Variants in TMEM132C observed in about 807,000 individuals in gnomAD.
TMEM132C encodes transmembrane protein 132C, also known as protein phosphatase 1, regulatory subunit 152.
TMEM132C carries 29 observed loss-of-function variants against 61.4 expected under a neutral mutation model. The ratio of observed to expected loss-of-function variants is 0.47; its 90% CI spans 0.35 to 0.64. The LOEUF is 0.64. TMEM132C is among the 30% of genes least tolerant of loss of function. The pLI, the probability that TMEM132C is intolerant of heterozygous loss-of-function variation, is 0.00. For missense variants in TMEM132C, 1,408 were observed against 1,476.9 expected, an observed-to-expected ratio of 0.95 and a Z score of 0.76; for synonymous variants, 656 against 633.1, an observed-to-expected ratio of 1.04 and a Z score of -0.54.
intron 4 of TMEM132C, among the ~76,000 whole-genome samples, chr12:128,636,721 C>G (rs1299135294): frequency 6.6e-6 from 1 of 152,096 alleles, no homozygotes. Flanking sequence ...TACGTATTCA[C>G]CTGGCATGAC....
At chr12:128,346,027 A>T (rs573167798) in intron 1 of TMEM132C, among the ~76,000 whole-genome samples, 6 of 152,128 alleles carry the variant, frequency 3.9e-5, no homozygotes, top group African/African-American at 1.4e-4. Flanking sequence ...TGGGTTTTAC[A>T]TTTAAGTCTT....
intron 3 of TMEM132C, among the ~76,000 whole-genome samples, chr12:128,586,479 G>T (rs1013931218): frequency 6.6e-6 from 1 of 151,946 alleles, no homozygotes; most frequent in African/African-American, 2.4e-5. Context: ...CCTCTGTTAT[G>T]GTTAGAAGGA....
At chr12:128,538,986 C>A (rs191092077) in intron 2 of TMEM132C, among the ~76,000 whole-genome samples, 92 of 152,176 alleles carry the variant, frequency 6.0e-4, no homozygotes, top group Non-Finnish European at 1.1e-3. Flanking sequence ...GGGTTTTATT[C>A]TTTTTCTTGA....
Position 128,695,931 on chromosome 12 carries a change from T to C in TMEM132C, c.1757T>C (p.Val586Ala). The change falls in exon 7 of 9, where the codon GTG becomes GCG. Residue 586 changes from valine (V) to alanine (A), a missense_variant. Val to Ala is a moderately conservative substitution (Grantham distance 64). Coordinates refer to ENST00000435159, the MANE Select transcript of TMEM132C (RefSeq NM_001136103.3). The stretch of plus-strand genomic sequence containing the variant: ...ACCGTGCGGGTCCTCACCCAGTTTG[T>C]GTCTGAGGGCGCCGGTCCATGGGGC... ...HATVRVLTQF[V>A]SEGAGPWGQP... 4 of 1,551,754 alleles carry C rather than the reference T, an allele frequency of 2.6e-6. No homozygotes were observed. Among genetic ancestry groups the C allele is most frequent in the Non-Finnish European group, 3.5e-6 (4 of 1,147,004 alleles).
intron 2 of TMEM132C, among the ~76,000 whole-genome samples, chr12:128,460,295 C>T (rs1456119432): frequency 1.3e-5 from 2 of 152,118 alleles, no homozygotes; most frequent in Non-Finnish European, 2.9e-5. Context: ...GCCTTTAGAC[C>T]CATCTCTCAC....
intron 2 of TMEM132C, among the ~76,000 whole-genome samples, chr12:128,504,861 G>T (rs569209504): frequency 6.7e-6 from 1 of 149,244 alleles, no homozygotes; most frequent in Non-Finnish European, 1.5e-5. Context: ...AATTCAGTCC[G>T]TAATAATTTT....
intron 1 of TMEM132C, among the ~76,000 whole-genome samples, chr12:128,396,692 TAAG>T (rs201880850): frequency 0.018 from 2,689 of 152,208 alleles, 75 homozygotes; most frequent in African/African-American, 0.06. Context: ...AGTGTGCTAT[TAAG>T]AAGCTCCTAT....
chr12:128,376,756 G>A (rs1270035145), intron 1 of TMEM132C, among the ~76,000 whole-genome samples: 1 of 152,236 alleles, frequency 6.6e-6, no homozygotes, highest in Admixed American at 6.5e-5. Context: ...CTTAAAAGAA[G>A]AAGCAGTCTC....
intron 1 of TMEM132C, among the ~76,000 whole-genome samples, chr12:128,362,159 G>A (rs1006406553): frequency 6.6e-6 from 1 of 152,058 alleles, no homozygotes; most frequent in Non-Finnish European, 1.5e-5. Context: ...ATCAGTTGTG[G>A]CCTCAGCTCA....
At chr12:128,301,404 G>T (rs1871591499) in intron 1 of TMEM132C, among the ~76,000 whole-genome samples, 2 of 152,094 alleles carry the variant, frequency 1.3e-5, no homozygotes, top group Non-Finnish European at 2.9e-5. Flanking sequence ...TCTTTTACTT[G>T]TATCTCAAAG....
intron 5 of TMEM132C, among the ~76,000 whole-genome samples, chr12:128,682,559 C>T (rs1050217006): frequency 6.6e-6 from 1 of 152,332 alleles, no homozygotes; most frequent in East Asian, 1.9e-4. Context: ...GAGGCCTCAG[C>T]ACTGCTGGCG....
intron 3 of TMEM132C, among the ~76,000 whole-genome samples, chr12:128,574,416 G>C (rs1053155949): frequency 1.3e-5 from 2 of 152,164 alleles, no homozygotes; most frequent in Admixed American, 1.3e-4. Flanking sequence ...TAGAGAAACC[G>C]TTATTATCTC....
chr12:128,629,695 C>T (rs986065107), intron 4 of TMEM132C, among the ~76,000 whole-genome samples: 67 of 152,074 alleles, frequency 4.4e-4, no homozygotes, highest in African/African-American at 1.5e-3. Flanking sequence ...TGTCCAGGCA[C>T]GGTGGCTCAC....
intron 2 of TMEM132C, among the ~76,000 whole-genome samples, chr12:128,466,247 G>A (rs1260375438): frequency 1.3e-5 from 2 of 152,140 alleles, no homozygotes; most frequent in African/African-American, 4.8e-5. Flanking sequence ...CAGACCCAGG[G>A]ATCCAAGTTG....
chr12:128,508,148 C>T (rs1872441144), intron 2 of TMEM132C, among the ~76,000 whole-genome samples: 2 of 152,102 alleles, frequency 1.3e-5, no homozygotes, highest in South Asian at 4.1e-4. Context: ...TTCCACATGG[C>T]TGGGGAGGCC....
At chr12:128,699,048 T>C (rs991121689) in intron 8 of TMEM132C, among the ~76,000 whole-genome samples, 3 of 152,148 alleles carry the variant, frequency 2.0e-5, no homozygotes, top group African/African-American at 7.2e-5. Context: ...CCAGCCATAG[T>C]GCAGGATTTC....
chr12:128,325,634 A>G (rs2135939549), intron 1 of TMEM132C, among the ~76,000 whole-genome samples: 1 of 152,214 alleles, frequency 6.6e-6, no homozygotes, highest in South Asian at 2.1e-4. Flanking sequence ...AGTGTCTTGG[A>G]GATGTTTTCA....
chr12:128,681,022 G>A (rs1954630053), intron 5 of TMEM132C, among the ~76,000 whole-genome samples: 1 of 152,148 alleles, frequency 6.6e-6, no homozygotes, highest in Admixed American at 6.5e-5. Flanking sequence ...GGAAGATGTA[G>A]CTCTGGAAAT....
intron 3 of TMEM132C, among the ~76,000 whole-genome samples, chr12:128,604,250 A>T (rs1370567207): frequency 6.6e-6 from 1 of 152,156 alleles, no homozygotes; most frequent in African/African-American, 2.4e-5. Flanking sequence ...GGATGGATTG[A>T]AGGATAGATA....
Sources: gnomAD v4.1 joint callset for allele counts (sites outside exome capture counted in the v4.1 genomes callset) on GRCh38, gnomAD v4.1.1 for gene constraint, MANE v1.5 for transcripts, NCBI Gene and HGNC (gene_info 2026-07-23, HGNC 2026-07-21) for gene names.